Variants in BANP observed in about 807,000 individuals in gnomAD.
The protein encoded by BANP is BTG3 associated nuclear protein.
In BANP, 11 loss-of-function variants were observed where a neutral mutation model predicts 68.1. The ratio of observed to expected loss-of-function variants is 0.16; its 90% CI spans 0.10 to 0.27. The LOEUF is 0.27. Among genes scored for constraint, BANP ranks in the 10% least tolerant of loss-of-function variants. The probability of loss-of-function intolerance (pLI) is 1.00; values close to 1 mark genes in which losing one functional copy is unlikely to be tolerated. For synonymous variants in BANP, 329 were observed against 303.2 expected (o/e 1.09, Z -0.88); for missense variants, 504 against 722.7 (o/e 0.70, Z 3.47).
intron 7 of BANP, among the ~76,000 whole-genome samples, chr16:88,022,041 G>A (rs143189017): frequency 0.12 from 18,492 of 152,052 alleles, 1,276 homozygotes; most frequent in South Asian, 0.33. Context: ...CTTTCTTAGG[G>A]TTCCCAAGGA....
At chr16:88,052,322 T>C (rs368617198) in intron 11 of BANP, among the ~76,000 whole-genome samples, 33 of 152,244 alleles carry the variant, frequency 2.2e-4, no homozygotes, top group African/African-American at 7.7e-4. Context: ...CAGGGGCCCC[T>C]CTCTGAAGTT....
In BANP at chr16:88,071,441, A is replaced by G. The variant is rs776858876; in HGVS notation, c.1378-628A>G. On this transcript the variant is annotated intron_variant, in intron 12 of 13. Transcript: ENST00000682872. This position sits in a 1 kb window ranked among gnomAD's most constrained non-coding sequence, Gnocchi z 6.5. ...GGGGCCTCGCCTGTCCCCCATTCTC[A>G]TTCCATACTCTGGGAGGCGGTACAA... is the stretch of plus-strand genomic sequence containing the variant. 14 of 456,086 alleles carry G rather than the reference A, an allele frequency of 3.1e-5. No individual in the cohort carries two copies. Among genetic ancestry groups the G allele is most frequent in the Non-Finnish European group, 5.3e-5 (12 of 226,738 alleles). The allele number at this position is 456,086 out of a possible 1,614,324, so 28.3% of individuals were successfully genotyped here.
chr16:87,996,859 T>A, intron 4 of BANP, among the ~76,000 whole-genome samples: 1 of 152,364 alleles, frequency 6.6e-6, no homozygotes, highest in Non-Finnish European at 1.5e-5. Flanking sequence ...TGAAAACAGT[T>A]TAAATACTTC....
chr16:88,007,550 G>C (rs2071607077), intron 6 of BANP, among the ~76,000 whole-genome samples: 1 of 152,222 alleles, frequency 6.6e-6, no homozygotes, highest in African/African-American at 2.4e-5. Flanking sequence ...AGTGACTACA[G>C]CGTGGAGAAA....
intron 4 of BANP, among the ~76,000 whole-genome samples, chr16:87,991,018 T>A (rs533064258): frequency 1.1e-4 from 17 of 152,302 alleles, no homozygotes; most frequent in African/African-American, 4.1e-4. Context: ...TGCCTCGGCC[T>A]CCCAAAGTAT....
At chr16:88,032,449 G>T (rs1440396482) in intron 8 of BANP, among the ~76,000 whole-genome samples, 1 of 152,182 alleles carries the variant, frequency 6.6e-6, no homozygotes, top group Non-Finnish European at 1.5e-5. Flanking sequence ...TGATCTACCT[G>T]CCTTGGCCTC....
At chr16:88,072,539 C>T (rs1282091921) in intron 13 of BANP, among the ~76,000 whole-genome samples, 1 of 152,252 alleles carries the variant, frequency 6.6e-6, no homozygotes, top group African/African-American at 2.4e-5. Flanking sequence ...CATGGGGGCC[C>T]CTTTAGCCGG....
At chr16:88,062,675 G>A (rs965110500) in intron 11 of BANP, among the ~76,000 whole-genome samples, 11 of 152,202 alleles carry the variant, frequency 7.2e-5, no homozygotes, top group Admixed American at 4.6e-4. Context: ...CCAGGACACC[G>A]TCCGTTCCAA....
At chr16:87,996,438 G>T (rs2067230692) in intron 4 of BANP, among the ~76,000 whole-genome samples, 1 of 151,236 alleles carries the variant, frequency 6.6e-6, no homozygotes, top group East Asian at 1.9e-4. Context: ...TCTGAGTGTT[G>T]CTGGGCCCTC....
At chr16:87,958,466 C>T (rs2058522660) in intron 1 of BANP, among the ~76,000 whole-genome samples, 2 of 152,216 alleles carry the variant, frequency 1.3e-5, no homozygotes, top group African/African-American at 2.4e-5. Context: ...TGTGTGTCTA[C>T]TAGCGGGTGG....
intron 11 of BANP, among the ~76,000 whole-genome samples, chr16:88,040,224 C>T (rs1368555493): frequency 1.3e-5 from 2 of 151,190 alleles, no homozygotes; most frequent in South Asian, 2.1e-4. Flanking sequence ...ATCTGTGTAG[C>T]GAACCCCCTC....
intron 11 of BANP, among the ~76,000 whole-genome samples, chr16:88,055,170 G>A (rs1052124732): frequency 4.7e-5 from 7 of 150,504 alleles, no homozygotes; most frequent in South Asian, 2.1e-4. Context: ...AGATGTGCAC[G>A]AACAAAGCTT....
Position 88,018,703 on chromosome 16 carries a change from C to T in BANP, c.895+36C>T, listed in dbSNP as rs1295401683. 15 of 1,539,110 alleles carry T rather than the reference C, an allele frequency of 9.7e-6. No homozygotes were observed. The highest frequency in any genetic ancestry group is 2.7e-5 in the African/African-American group (2 of 72,872). On this transcript the variant is annotated intron_variant, in intron 7 of 13. Coordinates refer to ENST00000682872, the MANE Select transcript of BANP (RefSeq NM_001386991.1). This position sits in a 1 kb window ranked among gnomAD's most constrained non-coding sequence, Gnocchi z 7.7. ...CCCCGCCTTGGGGGACTGGGGTGTGCGGGGAGCTGGGTCAGGACCCACATT... is the reference window on the plus strand; with the variant it reads ...CCCCGCCTTGGGGGACTGGGGTGTGTGGGGAGCTGGGTCAGGACCCACATT...
In BANP at chr16:88,027,773, G is replaced by C. The variant is rs1230719961; in HGVS notation, c.1063+123G>C. The C allele has an allele frequency of 4.2e-6, 5 of 1,201,988 alleles. No individual in the cohort carries two copies. In the Admixed American group the frequency reaches 1.3e-4, roughly 31 times the overall value. 74.5% of individuals were successfully genotyped at this position (1,201,988 alleles called of 1,614,324 possible). ...CCAGTGGCCGGGAGCCGAGGCCAGA[G>C]GCTTGCGCGGTGCGCACGGAGCAGT... On this transcript the variant is annotated intron_variant, in intron 8 of 13. Coordinates refer to ENST00000682872, the MANE Select transcript of BANP (RefSeq NM_001386991.1).
intron 4 of BANP, among the ~76,000 whole-genome samples, chr16:87,992,120 G>A (rs2066011296): frequency 6.6e-6 from 1 of 152,142 alleles, no homozygotes; most frequent in Non-Finnish European, 1.5e-5. Context: ...CCGAGATGAT[G>A]GTATGGTGAT....
chr16:87,970,623 CT>C (rs1243749685), intron 1 of BANP, among the ~76,000 whole-genome samples: 6 of 152,142 alleles, frequency 3.9e-5, no homozygotes, highest in African/African-American at 1.2e-4. Context: ...AAATATTTCC[CT>C]TTCAACCCAG....
intron 1 of BANP, among the ~76,000 whole-genome samples, chr16:87,959,378 G>A (rs1161796685): frequency 2.0e-5 from 3 of 152,246 alleles, no homozygotes; most frequent in East Asian, 1.9e-4. Context: ...GGGCCCTCAC[G>A]TGCCACCCCC....
intron 1 of BANP, among the ~76,000 whole-genome samples, chr16:87,964,259 T>A (rs2059659636): frequency 6.6e-6 from 1 of 152,264 alleles, no homozygotes; most frequent in South Asian, 2.1e-4. Context: ...ACGTATTCAC[T>A]GGATGCGGTG....
chr16:87,980,438 G>C (rs1233696587), intron 2 of BANP: 2 of 152,626 alleles, frequency 1.3e-5, no homozygotes, highest in African/African-American at 2.4e-5. Flanking sequence ...AGCTGGGGCC[G>C]AGTTGCTTAT....
Sources: gnomAD v4.1 joint callset for allele counts (sites outside exome capture counted in the v4.1 genomes callset) on GRCh38, gnomAD v4.1.1 for gene constraint, Gnocchi (gnomAD v3.1) non-coding constraint, MANE v1.5 for transcripts, NCBI Gene and HGNC (gene_info 2026-07-23, HGNC 2026-07-21) for gene names.